Variants in UNC80 observed in about 807,000 individuals in gnomAD.
The protein encoded by UNC80 is protein unc-80 homolog.
A neutral mutation model predicts 384.6 loss-of-function variants in UNC80; 164 were observed. The ratio of observed to expected loss-of-function variants is 0.43; its 90% CI spans 0.38 to 0.49. The LOEUF (loss-of-function observed/expected upper bound fraction) is 0.49. UNC80 is among the 20% of genes least tolerant of loss of function. The pLI, the probability that UNC80 is intolerant of heterozygous loss-of-function variation, is 0.00. For synonymous variants in UNC80, 1,486 were observed against 1,527.8 expected (o/e 0.97, Z 0.64); for missense variants, 3,330 against 4,143.0 (o/e 0.80, Z 5.39).
intron 51 of UNC80, among the ~76,000 whole-genome samples, chr2:209,964,304 G>C (rs2092682082): frequency 6.6e-6 from 1 of 152,088 alleles, no homozygotes; most frequent in African/African-American, 2.4e-5. Flanking sequence ...GTACCTCCTG[G>C]CGGAAGTACA....
intron 23 of UNC80, among the ~76,000 whole-genome samples, chr2:209,877,384 A>G (rs2084874052): frequency 6.6e-6 from 1 of 152,234 alleles, no homozygotes. Context: ...CTCTACCAAA[A>G]GAAAAGTTAG....
At chr2:209,867,581 T>C (rs2083943716) in intron 22 of UNC80, among the ~76,000 whole-genome samples, 1 of 152,260 alleles carries the variant, frequency 6.6e-6, no homozygotes, top group African/African-American at 2.4e-5. Context: ...GCAGATTTTT[T>C]CTTATTCATC....
At chr2:209,857,904 A>C (rs1433950271) in intron 22 of UNC80, among the ~76,000 whole-genome samples, 1 of 152,184 alleles carries the variant, frequency 6.6e-6, no homozygotes, top group African/African-American at 2.4e-5. Flanking sequence ...CTGATTCTTC[A>C]GAATTAATTT....
chr2:209,829,646 A>G (rs933658438), intron 15 of UNC80, among the ~76,000 whole-genome samples: 23 of 152,110 alleles, frequency 1.5e-4, no homozygotes, highest in East Asian at 1.9e-4. Flanking sequence ...TAGCCCTTCA[A>G]TTTTTATACT....
At position 209,854,888 on chromosome 2, in the gene UNC80, T is replaced by C. The variant is rs563400193; in HGVS notation, c.3627+5265T>C. 6.6e-5 allele frequency among the ~76,000 whole-genome samples: 10 copies of C among 152,300 alleles called. No homozygotes were observed. The East Asian group carries it at 1.2e-3, about 18-fold the overall frequency. On this transcript the variant is annotated intron_variant, in intron 22 of 64. Coordinates refer to ENST00000673920, the MANE Select transcript of UNC80 (RefSeq NM_001371986.1). ...TCAACTACTGTGGAAGACAGTGTGG[T>C]GATTCCTTAAAGACCTGGAACCAGA...
chr2:209,815,747 A>T (rs2079689419), intron 9 of UNC80, among the ~76,000 whole-genome samples: 1 of 152,240 alleles, frequency 6.6e-6, no homozygotes, highest in Non-Finnish European at 1.5e-5. Flanking sequence ...TTATATAAAT[A>T]GTTCTCATTT....
In UNC80 at chr2:209,786,192, T is replaced by C; in HGVS notation, c.724+3T>C. 1 of 1,613,408 alleles carries C rather than the reference T, an allele frequency of 6.2e-7. No individual in the cohort carries two copies. Among genetic ancestry groups the C allele is most frequent in the Non-Finnish European group, 8.5e-7 (1 of 1,179,612 alleles). On this transcript the variant is annotated splice_donor_region_variant and intron_variant, in intron 5 of 64. Transcript: ENST00000673920. Reference sequence around the variant, plus strand: ...GCCCATCAGGAACATCATTACAGGTTTGTAACTTGGACACTCAGTAGGACA... The same window carrying C: ...GCCCATCAGGAACATCATTACAGGTCTGTAACTTGGACACTCAGTAGGACA...
At chr2:209,959,075 G>A (rs373509926) in intron 49 of UNC80, 44 bp from the exon 50 acceptor site, 67 of 1,542,240 alleles carry the variant, frequency 4.3e-5, no homozygotes, top group African/African-American at 2.3e-4. Flanking sequence ...AAAGGACCCC[G>A]TTCTTGCTCT....
chr2:209,904,848 C>A lies in UNC80; in HGVS notation c.4665C>A (p.Ser1555Arg). The A allele has an allele frequency of 6.4e-7, 1 of 1,551,962 alleles. No individual in the cohort carries two copies. Among genetic ancestry groups the A allele is most frequent in the East Asian group, 2.4e-5 (1 of 40,910 alleles). ...ATCCCCACTGCTACCTGCACCACAG[C>A]CGCTCCTGTGCCCGACTGGTCAGAG... is the stretch of plus-strand genomic sequence containing the variant. The part of the protein sequence containing the change: ...YCHPHCYLHH[S>R]RSCARLVRAI... Residue 1555 changes from serine to arginine, a missense_variant, in exon 29 of 65, where the codon AGC becomes AGA. This residue lies in a region of UNC80 where 801 missense variants were observed against 950.8 expected (regional missense o/e 0.84). Coordinates refer to ENST00000673920, the MANE Select transcript of UNC80 (RefSeq NM_001371986.1).
chr2:209,929,818 C>T, intron 36 of UNC80, 53 bp from the exon 37 acceptor site: 1 of 1,313,806 alleles, frequency 7.6e-7, no homozygotes, highest in African/African-American at 1.5e-5. Flanking sequence ...TACTTTATCT[C>T]ATAGACTTAA....
intron 19 of UNC80, 105 bp from the exon 20 acceptor site, chr2:209,840,437 C>T: frequency 1.1e-6 from 1 of 921,700 alleles, no homozygotes; most frequent in South Asian, 1.6e-5. Context: ...CTATTTATAC[C>T]AAGCCATGTA....
intron 1 of UNC80, among the ~76,000 whole-genome samples, chr2:209,772,744 A>T (rs947775064): frequency 6.6e-6 from 1 of 152,198 alleles, no homozygotes; most frequent in South Asian, 2.1e-4. Flanking sequence ...AAGATATTAG[A>T]TTCTGGAAAT....
intron 47 of UNC80, among the ~76,000 whole-genome samples, chr2:209,950,927 C>T (rs1206985801): frequency 6.6e-6 from 1 of 152,026 alleles, no homozygotes; most frequent in Non-Finnish European, 1.5e-5. Context: ...AATCCCAGCA[C>T]TTTGGGAGGC....
rs186471809 is a variant in UNC80, at chr2:209,830,071, A to G, written c.2626+692A>G. Among the ~76,000 whole-genome samples, 279 of 152,376 alleles carry G rather than the reference A, an allele frequency of 1.8e-3. 1 individual carries two copies. The highest frequency in any genetic ancestry group is 3.4e-3 in the Middle Eastern group (1 of 294). ...TGCAGCAATGCAAGGAAAATAATGC[A>G]TGAAGCCTGAGTTGAATAAAATACA... On this transcript the variant is annotated intron_variant, in intron 15 of 64. Transcript: ENST00000673920.
chr2:209,973,319 T>C (rs2092930255), intron 56 of UNC80, 49 bp downstream of exon 56: 8 of 1,469,906 alleles, frequency 5.4e-6, no homozygotes, highest in Non-Finnish European at 7.4e-6. Flanking sequence ...TGTATGTATA[T>C]GTATGTGAAA....
chr2:209,978,494 A>C, intron 58 of UNC80, 35 bp from the exon 59 acceptor site: 1 of 1,476,922 alleles, frequency 6.8e-7, no homozygotes. Context: ...TAAGATTCTC[A>C]CCATGCATTT....
chr2:209,773,542 G>A (rs1262115694), intron 2 of UNC80, among the ~76,000 whole-genome samples: 5 of 152,320 alleles, frequency 3.3e-5, no homozygotes, highest in African/African-American at 1.2e-4. Flanking sequence ...AAGGACAGCT[G>A]AGGGAAGAGC....
chr2:209,852,669 G>A (rs1044930078), intron 22 of UNC80, among the ~76,000 whole-genome samples: 2 of 152,038 alleles, frequency 1.3e-5, no homozygotes, highest in Admixed American at 6.6e-5. Flanking sequence ...GCAGCATTTG[G>A]TGTTTACTGT....
intron 55 of UNC80, among the ~76,000 whole-genome samples, chr2:209,972,574 G>A (rs2092911547): frequency 6.6e-6 from 1 of 152,150 alleles, no homozygotes; most frequent in African/African-American, 2.4e-5. Flanking sequence ...CAAAAATCAG[G>A]GGAACAGTCA....
Sources: allele counts gnomAD v4.1 joint callset (sites outside exome capture counted in the v4.1 genomes callset), GRCh38; gene constraint gnomAD v4.1.1; regional missense constraint gnomAD v4.1.1; transcripts MANE v1.5; gene names NCBI Gene and HGNC (gene_info 2026-07-23, HGNC 2026-07-21).